EPHB1: variants seen among roughly 807,000 people sequenced by gnomAD.
EPHB1 encodes the protein EPH receptor B1, also known as ephrin type-B receptor 1.
A neutral mutation model predicts 94.4 loss-of-function variants in EPHB1; 30 were observed. The ratio of observed to expected loss-of-function variants is 0.32; its 90% CI spans 0.24 to 0.43. The LOEUF is 0.43. Ranked by LOEUF, EPHB1 falls within the 20% of genes least tolerant of loss-of-function variation. The probability of loss-of-function intolerance (pLI) is 1.00; values close to 1 mark genes in which losing one functional copy is unlikely to be tolerated. For missense variants in EPHB1, 1,055 were observed against 1,308.3 expected (o/e 0.81, Z 2.99); for synonymous variants, 522 against 489.1 (o/e 1.07, Z -0.89).
At chr3:135,030,825 C>G (rs4459936) in intron 3 of EPHB1, among the ~76,000 whole-genome samples, 38,652 of 152,018 alleles carry the variant, frequency 0.25, 6,348 homozygotes, top group East Asian at 0.71. Context: ...CCCCCAGCCT[C>G]GCTGCCGCCT....
At chr3:134,957,314 G>T (rs1933314829) in intron 3 of EPHB1, among the ~76,000 whole-genome samples, 1 of 152,164 alleles carries the variant, frequency 6.6e-6, no homozygotes, top group Non-Finnish European at 1.5e-5. Flanking sequence ...GTATGTGACT[G>T]GTGTCCAGAA....
At chr3:135,207,566 G>A (rs1307905025) in intron 12 of EPHB1, among the ~76,000 whole-genome samples, 3 of 152,268 alleles carry the variant, frequency 2.0e-5, no homozygotes, top group African/African-American at 4.8e-5. Flanking sequence ...AATAAGGGCC[G>A]CTATGTTTTG....
At chr3:135,035,303 G>A (rs1040995549) in intron 3 of EPHB1, among the ~76,000 whole-genome samples, 8 of 152,150 alleles carry the variant, frequency 5.3e-5, no homozygotes, top group Admixed American at 2.0e-4. Context: ...TTGTCCACAG[G>A]ACTTCACCTT....
chr3:134,933,876 C>T (rs763273676), intron 2 of EPHB1, among the ~76,000 whole-genome samples: 29 of 152,136 alleles, frequency 1.9e-4, no homozygotes, highest in Non-Finnish European at 2.5e-4. Context: ...TTTTTTCTCA[C>T]GGTAAGAGAC....
At chr3:135,168,654 G>A (rs56920945) in intron 9 of EPHB1, among the ~76,000 whole-genome samples, 28,956 of 152,032 alleles carry the variant, frequency 0.19, 3,024 homozygotes, top group Middle Eastern at 0.24. Flanking sequence ...GGCGACCTTC[G>A]TCTCCCTGCT....
chr3:134,872,947 C>G (rs757147232), intron 1 of EPHB1, among the ~76,000 whole-genome samples: 1 of 152,200 alleles, frequency 6.6e-6, no homozygotes. Context: ...ATTTGAGATA[C>G]TGTAGACAGG....
chr3:135,035,582 G>A (rs1236682466), intron 3 of EPHB1, among the ~76,000 whole-genome samples: 1 of 152,134 alleles, frequency 6.6e-6, no homozygotes, highest in Non-Finnish European at 1.5e-5. Context: ...AGCGTGTTCT[G>A]TTTTGGGGCT....
intron 7 of EPHB1, among the ~76,000 whole-genome samples, chr3:135,165,417 C>G (rs1194749149): frequency 2.6e-5 from 4 of 152,190 alleles, no homozygotes; most frequent in Admixed American, 6.5e-5. Flanking sequence ...TTGGCAGAAG[C>G]CTTGATCATT....
chr3:135,189,382 C>G (rs997582753), intron 10 of EPHB1, among the ~76,000 whole-genome samples: 1 of 152,198 alleles, frequency 6.6e-6, no homozygotes, highest in African/African-American at 2.4e-5. Flanking sequence ...AGCGGCATGT[C>G]AGTATCACCG....
chr3:134,915,761 G>A (rs983618924), intron 1 of EPHB1, among the ~76,000 whole-genome samples: 5 of 152,098 alleles, frequency 3.3e-5, no homozygotes, highest in African/African-American at 1.2e-4. Context: ...TGGTGGGTTC[G>A]TGGTCTCAAT....
intron 5 of EPHB1, among the ~76,000 whole-genome samples, chr3:135,136,905 T>C (rs10049228): frequency 0.3 from 45,525 of 152,068 alleles, 7,037 homozygotes; most frequent in South Asian, 0.37. Flanking sequence ...GGTGCAACTC[T>C]CTCTGTTCCA....
chr3:135,079,629 G>C (rs931427471), intron 3 of EPHB1, among the ~76,000 whole-genome samples: 1 of 152,072 alleles, frequency 6.6e-6, no homozygotes, highest in Non-Finnish European at 1.5e-5. Context: ...GAGCTCCCTC[G>C]TGGCAGCTCT....
intron 1 of EPHB1, among the ~76,000 whole-genome samples, chr3:134,832,699 T>C (rs978223784): frequency 6.6e-6 from 1 of 152,236 alleles, no homozygotes; most frequent in African/African-American, 2.4e-5. Flanking sequence ...GACAATGAAG[T>C]TGATGTCATC....
At position 135,248,440 on chromosome 3, in the gene EPHB1, T is replaced by C. The variant is rs555755621; in HGVS notation, c.2621T>C (p.Ile874Thr). Residue 874 changes from isoleucine to threonine, a missense_variant, in exon 14 of 16, where the codon ATT (isoleucine) becomes ACT (threonine). Transcript: ENST00000398015. Reference protein sequence around the residue: ...DRNSRPRFAEIVNTLDKMIRN... With the variant: ...DRNSRPRFAETVNTLDKMIRN... ...AACAGCCGGCCCCGGTTTGCGGAGATTGTCAACACCCTAGATAAGATGATC... is the reference window on the plus strand; with the variant it reads ...AACAGCCGGCCCCGGTTTGCGGAGACTGTCAACACCCTAGATAAGATGATC... 8.7e-6 allele frequency: 14 copies of C among 1,613,798 alleles called. No individual in the cohort carries two copies. In the South Asian group the frequency reaches 1.2e-4, roughly 14 times the overall value.
chr3:134,854,274 A>G (rs1283850290), intron 1 of EPHB1, among the ~76,000 whole-genome samples: 2 of 152,100 alleles, frequency 1.3e-5, no homozygotes, highest in East Asian at 3.9e-4. Context: ...TGAGTGGAGG[A>G]ATAGGATTCT....
chr3:134,853,571 A>G (rs184470606), intron 1 of EPHB1, among the ~76,000 whole-genome samples: 4 of 152,352 alleles, frequency 2.6e-5, no homozygotes, highest in Middle Eastern at 3.4e-3. Context: ...CTTTGGGTTG[A>G]CTTTGAAATG....
At chr3:135,114,935 G>A (rs1002085745) in intron 4 of EPHB1, among the ~76,000 whole-genome samples, 1 of 152,026 alleles carries the variant, frequency 6.6e-6, no homozygotes. Context: ...ACAAGTATTT[G>A]TATACTTTTA....
chr3:134,838,964 A>C (rs1187156590), intron 1 of EPHB1, among the ~76,000 whole-genome samples: 1 of 152,250 alleles, frequency 6.6e-6, no homozygotes, highest in Non-Finnish European at 1.5e-5. Flanking sequence ...CAAGTAAATT[A>C]TTTCTTTTCT....
rs188570117 is a variant in EPHB1 at position 134,947,414 on chromosome 3, T to C, written c.124-3957T>C. On this transcript the variant is annotated intron_variant, in intron 2 of 15. Coordinates refer to ENST00000398015, the MANE Select transcript of EPHB1 (RefSeq NM_004441.5). Reference sequence around the variant, plus strand: ...TATTTCTTCAACCCCTACAGAGCTTTCACTGACAGAAGAATGAAAGAGGGA... The same window carrying C: ...TATTTCTTCAACCCCTACAGAGCTTCCACTGACAGAAGAATGAAAGAGGGA... 3.0e-3 allele frequency among the ~76,000 whole-genome samples: 456 copies of C among 152,344 alleles called. 1 individual carries two copies. The highest frequency in any genetic ancestry group is 0.01 in the African/African-American group (432 of 41,588).
Sources: allele counts gnomAD v4.1 joint callset (sites outside exome capture counted in the v4.1 genomes callset), GRCh38; gene constraint gnomAD v4.1.1; transcripts MANE v1.5; gene names NCBI Gene and HGNC (gene_info 2026-07-23, HGNC 2026-07-21).